RPL18: variants seen among roughly 807,000 people sequenced by gnomAD.
RPL18 encodes the protein ribosomal protein L18.
In RPL18, 4 loss-of-function variants were observed where a neutral mutation model predicts 25.0. The ratio of observed to expected loss-of-function variants is 0.16; its 90% CI spans 0.08 to 0.37. The LOEUF (loss-of-function observed/expected upper bound fraction) is 0.37. Among genes scored for constraint, RPL18 ranks in the 10% least tolerant of loss-of-function variants. The pLI, the probability that RPL18 is intolerant of heterozygous loss-of-function variation, is 1.00. For synonymous variants in RPL18, 129 were observed against 101.6 expected (o/e 1.27, Z -1.62); for missense variants, 179 against 267.9 (o/e 0.67, Z 2.32).
At position 48,617,819 on chromosome 19, in the gene RPL18, T is replaced by C. The variant is rs1974226330; in HGVS notation, c.62A>G (p.Gln21Arg). The change falls in exon 2 of 7, where the codon CAG (glutamine) becomes CGG (arginine). Residue 21 changes from glutamine (Q) to arginine (R), a missense_variant. Coordinates refer to ENST00000549920, the MANE Select transcript of RPL18 (RefSeq NM_000979.4). Reference sequence around the variant, plus strand: ...GACCAACAGCCTCAGGTAGATATCCTGGCTCTTGGGCTCCTTGCGCCGAAC... The same window carrying C: ...GACCAACAGCCTCAGGTAGATATCCCGGCTCTTGGGCTCCTTGCGCCGAAC... Reference protein sequence around the residue: ...RKVRRKEPKSQDIYLRLLVKL... With the variant: ...RKVRRKEPKSRDIYLRLLVKL... 4.3e-6 allele frequency: 7 copies of C among 1,614,168 alleles called. No individual in the cohort carries two copies. Among genetic ancestry groups the C allele is most frequent in the Non-Finnish European group, 4.2e-6 (5 of 1,179,968 alleles).
rs767471191 is a variant in RPL18, at chr19:48,617,435, G to A, written c.91-12C>T. The A allele has an allele frequency of 1.3e-6, 2 of 1,597,858 alleles. No individual in the cohort carries two copies. The highest frequency in any genetic ancestry group is 4.5e-5 in the East Asian group (2 of 44,820). On this transcript the variant is annotated splice_polypyrimidine_tract_variant and intron_variant, in intron 2 of 6. Coordinates refer to ENST00000549920, the MANE Select transcript of RPL18 (RefSeq NM_000979.4). ...AGAAACCTGTATAACTGGAGGGACG[G>A]GAAGACAGTGAGAAGCTGGGACAGC...
intron 1 of RPL18, chr19:48,618,816 A>G (rs1321013858): frequency 4.7e-6 from 2 of 427,120 alleles, no homozygotes; most frequent in Non-Finnish European, 8.4e-6. Flanking sequence ...TGACAGGTCC[A>G]GATAAAGGCA....
rs771914333 is a variant in RPL18 at position 48,617,855 on chromosome 19, T to C, written c.26A>G (p.Lys9Arg). 1 of 1,614,160 alleles carries C rather than the reference T, an allele frequency of 6.2e-7. No individual in the cohort carries two copies. The highest frequency in any genetic ancestry group is 8.5e-7 in the Non-Finnish European group (1 of 1,179,986). Reference sequence around the variant, plus strand: ...CTCCTTGCGCCGAACCTTTCGGTCCTTGTTATGGCGGATGTCCACTCCCTG... The same window carrying C: ...CTCCTTGCGCCGAACCTTTCGGTCCCTGTTATGGCGGATGTCCACTCCCTG... MGVDIRHN[K>R]DRKVRRKEPK... The change falls in exon 2 of 7, where the codon AAG (lysine) becomes AGG (arginine). Residue 9 changes from lysine to arginine, a missense_variant. Lys to Arg is a conservative substitution (Grantham distance 26). Coordinates refer to ENST00000549920, the MANE Select transcript of RPL18 (RefSeq NM_000979.4).
intron 1 of RPL18, 49 bp from the exon 2 acceptor site, chr19:48,617,926 C>T: frequency 7.4e-7 from 1 of 1,349,896 alleles, no homozygotes; most frequent in Non-Finnish European, 1.1e-6. Flanking sequence ...CCAACCATAG[C>T]CAATTATTAC....
rs1019199806 is a variant in RPL18 at position 48,616,015 on chromosome 19, G to A, written c.421+64C>T. The A allele has an allele frequency of 3.1e-6, 5 of 1,613,806 alleles. No individual in the cohort carries two copies. In the Admixed American group the frequency reaches 5.0e-5, roughly 16 times the overall value. On this transcript the variant is annotated intron_variant, in intron 5 of 6. Transcript: ENST00000549920. ...CCCAGCTTCTGGCCTCCCAGATCCA[G>A]GAGGGTGAAGGCTGCCAGTAGCCAC...
At chr19:48,617,949 C>A (rs992685999) in intron 1 of RPL18, 72 bp from the exon 2 acceptor site, 46 of 1,216,578 alleles carry the variant, frequency 3.8e-5, no homozygotes, top group Non-Finnish European at 5.2e-5. Context: ...ATTTCTGAAA[C>A]TGAGAGCTGG....
rs764146571 is a variant in RPL18, at chr19:48,616,590, A to C, written c.297+136T>G. The stretch of plus-strand genomic sequence containing the variant: ...ACGACCCACACCAATCCTCAAAGCC[A>C]CTCAGACAGGCAGGATGCTTGCCTC... On this transcript the variant is annotated intron_variant, in intron 4 of 6. Coordinates refer to ENST00000549920, the MANE Select transcript of RPL18 (RefSeq NM_000979.4). The C allele has an allele frequency of 8.2e-4, 637 of 772,884 alleles. 1 individual carries two copies. Among genetic ancestry groups the C allele is most frequent in the Non-Finnish European group, 1.3e-3 (554 of 434,042 alleles). 47.9% of individuals were successfully genotyped at this position (772,884 alleles called of 1,614,324 possible).
In RPL18 at chr19:48,615,859, TG is replaced by T. The variant is rs1363258618; in HGVS notation, c.491+17del. Reference sequence around the variant, plus strand: ...GCTGAGTCTGGGGAGAGGGCAGGGCTGGGGGCCTGATACTCACTTGGTGTGG... The same window carrying T: ...GCTGAGTCTGGGGAGAGGGCAGGGCTGGGGCCTGATACTCACTTGGTGTGG... On this transcript the variant is annotated intron_variant, in intron 6 of 6. Coordinates refer to ENST00000549920, the MANE Select transcript of RPL18 (RefSeq NM_000979.4). The T allele has an allele frequency of 6.3e-7, 1 of 1,599,468 alleles. No individual in the cohort carries two copies. The highest frequency in any genetic ancestry group is 1.7e-5 in the Admixed American group (1 of 57,564).
In RPL18 at chr19:48,615,438, G is replaced by C; in HGVS notation, c.501C>G (p.Val167=). The part of the protein sequence containing the change: ...GTPHSHTKPY[V]RSKGRKFERA... Reference sequence around the variant, plus strand: ...GCTCGAACTTCCGGCCCTTGGAGCGGACGTAGGGTCTGTGGGGAGAGGAGG... The same window carrying C: ...GCTCGAACTTCCGGCCCTTGGAGCGCACGTAGGGTCTGTGGGGAGAGGAGG... Residue 167 remains valine (V), a synonymous_variant, in exon 7 of 7, where the codon GTC becomes GTG. Coordinates refer to ENST00000549920, the MANE Select transcript of RPL18 (RefSeq NM_000979.4). 1 of 1,613,052 alleles carries C rather than the reference G, an allele frequency of 6.2e-7. No homozygotes were observed. The highest frequency in any genetic ancestry group is 8.5e-7 in the Non-Finnish European group (1 of 1,179,524).
In RPL18 at chr19:48,616,154, C is replaced by A. The variant is rs1439178727; in HGVS notation, c.346G>T (p.Ala116Ser). The A allele has an allele frequency of 6.2e-7, 1 of 1,614,140 alleles. No individual in the cohort carries two copies. The highest frequency in any genetic ancestry group is 8.5e-7 in the Non-Finnish European group (1 of 1,180,020). The part of the protein sequence containing the change: ...TSRARSRILR[A>S]GGKILTFDQL... ...TCGAAAGTGAGGATCTTGCCCCCTG[C>A]CCTGAGGATGCGGCTGCGGGCCCGG... Residue 116 changes from alanine to serine, a missense_variant, in exon 5 of 7, where the codon GCA becomes TCA. Ala to Ser is a moderately conservative substitution (Grantham distance 99, BLOSUM62 1). Coordinates refer to ENST00000549920, the MANE Select transcript of RPL18 (RefSeq NM_000979.4).
intron 2 of RPL18, 78 bp downstream of exon 2, chr19:48,617,713 G>T: frequency 8.8e-7 from 1 of 1,131,188 alleles, no homozygotes; most frequent in Non-Finnish European, 1.3e-6. Context: ...GGAGGAGCTT[G>T]GTGCCAGCAC....
At chr19:48,617,120 G>A in intron 3 of RPL18, 196 bp downstream of exon 3, 1 of 714,316 alleles carries the variant, frequency 1.4e-6, no homozygotes, top group East Asian at 2.6e-5. Flanking sequence ...AAGAGAAGGA[G>A]AGGAGGACCA....
intron 4 of RPL18, 52 bp downstream of exon 4, chr19:48,616,673 AC>A: frequency 8.2e-7 from 1 of 1,222,852 alleles, no homozygotes; most frequent in Non-Finnish European, 1.2e-6. Flanking sequence ...ACAGCACAGC[AC>A]AGCACAGTAC....
Position 48,616,716 on chromosome 19 carries a change from G to A in RPL18, c.297+10C>T, listed in dbSNP as rs764646087. The A allele has an allele frequency of 1.3e-5, 21 of 1,588,456 alleles. No individual in the cohort carries two copies. Among genetic ancestry groups the A allele is most frequent in the South Asian group, 3.3e-5 (3 of 90,618 alleles). ...GGTCTGATGGGTCTGCCCAGCCCCC[G>A]CCAGCTCACCTTCAGTTTGGGTACC... is the stretch of plus-strand genomic sequence containing the variant. On this transcript the variant is annotated intron_variant, in intron 4 of 6. Transcript: ENST00000549920.
chr19:48,617,503 G>A, intron 2 of RPL18, 80 bp from the exon 3 acceptor site: 1 of 1,036,790 alleles, frequency 9.6e-7, no homozygotes, highest in Non-Finnish European at 1.5e-6. Flanking sequence ...AACACATGAT[G>A]ATCTGGACTA....
At position 48,616,769 on chromosome 19, in the gene RPL18, G is replaced by A; in HGVS notation, c.254C>T (p.Thr85Ile). ...CTGAACCCGCACATCATCAGTTATG[G>A]TCCCCACAACCACGGCCGTCTTGTT... ...RENKTAVVVGTITDDVRVQEV... is the reference protein window; with the variant it reads ...RENKTAVVVGIITDDVRVQEV... Residue 85 changes from threonine (T) to isoleucine (I), a missense_variant, in exon 4 of 7, where the codon ACC becomes ATC. By Grantham distance (89) the Thr-to-Ile change is moderately conservative (BLOSUM62 -1). Coordinates refer to ENST00000549920, the MANE Select transcript of RPL18 (RefSeq NM_000979.4). 6.2e-7 allele frequency: 1 copy of A among 1,614,014 alleles called. No individual in the cohort carries two copies. Among genetic ancestry groups the A allele is most frequent in the Non-Finnish European group, 8.5e-7 (1 of 1,179,966 alleles).
intron 4 of RPL18, 147 bp from the exon 5 acceptor site, chr19:48,616,349 C>T: frequency 1.1e-6 from 1 of 908,604 alleles, no homozygotes. Flanking sequence ...CTGACAGCAG[C>T]AGTTCTCAAC....
chr19:48,617,168 C>A, intron 3 of RPL18, 148 bp downstream of exon 3: 1 of 778,252 alleles, frequency 1.3e-6, no homozygotes, highest in Admixed American at 1.8e-5. Flanking sequence ...TCAGTTCCAA[C>A]CAACAGTCCA....
Position 48,617,401 on chromosome 19 carries a change from C to T in RPL18, c.113G>A (p.Arg38Lys). 3.1e-6 allele frequency: 5 copies of T among 1,614,186 alleles called. No individual in the cohort carries two copies. The highest frequency in any genetic ancestry group is 4.2e-6 in the Non-Finnish European group (5 of 1,180,000). ...AACCTGGTTGAATGTGGAGTTGGTT[C>T]TTCTGGCCAGAAACCTGTATAACTG... The part of the protein sequence containing the change: ...LVKLYRFLAR[R>K]TNSTFNQVVL... Residue 38 changes from arginine (R) to lysine (K), a missense_variant, in exon 3 of 7, where the codon AGA becomes AAA. Physicochemically the swap from Arg to Lys is conservative, Grantham distance 26. Transcript: ENST00000549920.
Sources: allele counts gnomAD v4.1 joint callset, GRCh38; gene constraint gnomAD v4.1.1; transcripts MANE v1.5; gene names NCBI Gene and HGNC (gene_info 2026-07-23, HGNC 2026-07-21).